Variants in NPIPB11 observed in about 807,000 individuals in gnomAD.
NPIPB11 encodes nuclear pore complex interacting protein family member B11, also known as nuclear pore complex-interacting protein family member B11.
A neutral mutation model predicts 32.8 loss-of-function variants in NPIPB11; 17 were observed. The observed-to-expected ratio is 0.52, with a 90% CI of 0.35 to 0.78. The LOEUF (loss-of-function observed/expected upper bound fraction) is 0.78, where lower values mean the gene tolerates loss of function less well. NPIPB11 is among the 30% of genes least tolerant of loss of function. The pLI, the probability that NPIPB11 is intolerant of heterozygous loss-of-function variation, is 0.01. For synonymous variants in NPIPB11, 209 were observed against 398.4 expected (o/e 0.52, Z 5.66); for missense variants, 537 against 1,000.4 (o/e 0.54, Z 6.25).
At chr16:29,395,822 C>T (rs1023146061) in intron 2 of NPIPB11, among the ~76,000 whole-genome samples, 1 of 149,702 alleles carries the variant, frequency 6.7e-6, no homozygotes, top group African/African-American at 2.4e-5. Context: ...ACTAAAAATA[C>T]AAAAAATTAG....
At chr16:29,394,721 C>T (rs1366045308) in intron 2 of NPIPB11, among the ~76,000 whole-genome samples, 13 of 150,276 alleles carry the variant, frequency 8.7e-5, no homozygotes, top group African/African-American at 1.2e-4. Context: ...TGTGAGCCAC[C>T]GTGCCCAGCC....
At chr16:29,390,463 G>T in intron 3 of NPIPB11, 115 bp from the exon 4 acceptor site, 1 of 1,522,110 alleles carries the variant, frequency 6.6e-7, no homozygotes. Context: ...GACCAGCCTG[G>T]CCAAGATGGT....
intron 5 of NPIPB11, 120 bp downstream of exon 5, chr16:29,389,821 A>G (rs1190008406): frequency 1.0e-5 from 16 of 1,546,706 alleles, no homozygotes; most frequent in South Asian, 2.3e-5. Context: ...GACAAACTCA[A>G]TTTTGAACCT....
chr16:29,406,313 G>GTA (rs1277079899), upstream of NPIPB11, among the ~76,000 whole-genome samples: 1 of 152,266 alleles, frequency 6.6e-6, no homozygotes, highest in African/African-American at 2.4e-5. Flanking sequence ...ATATTTATGG[G>GTA]TATGTTGTTG....
At chr16:29,394,777 A>C (rs1963812479) in intron 2 of NPIPB11, among the ~76,000 whole-genome samples, 1 of 149,612 alleles carries the variant, frequency 6.7e-6, no homozygotes, top group African/African-American at 2.5e-5. Flanking sequence ...ATGGGGTCTC[A>C]CTCTGTCACC....
intron 2 of NPIPB11, among the ~76,000 whole-genome samples, chr16:29,402,104 T>G (rs1373898029): frequency 6.6e-6 from 1 of 150,386 alleles, no homozygotes; most frequent in East Asian, 2.0e-4. Context: ...TCTCTGGGCC[T>G]CAGTTTCAAC....
intron 3 of NPIPB11, among the ~76,000 whole-genome samples, chr16:29,390,695 G>A (rs1963697264): frequency 6.6e-6 from 1 of 151,682 alleles, no homozygotes; most frequent in South Asian, 2.1e-4. Flanking sequence ...CTGGCACAGT[G>A]GCTCACTCCT....
At chr16:29,390,321 A>T in exon 4 of NPIPB11, 2 of 1,512,394 alleles carry the variant, frequency 1.3e-6, no homozygotes, top group Non-Finnish European at 1.8e-6. Context: ...CCATTTCGAG[A>T]CCAGAAGATA....
At chr16:29,401,250 A>T (rs1340587524) in intron 2 of NPIPB11, among the ~76,000 whole-genome samples, 1 of 152,116 alleles carries the variant, frequency 6.6e-6, no homozygotes, top group East Asian at 1.9e-4. Flanking sequence ...AACTTAAAGG[A>T]ACTAAAATGT....
chr16:29,391,688 C>T (rs145131733), intron 3 of NPIPB11, among the ~76,000 whole-genome samples: 7 of 152,230 alleles, frequency 4.6e-5, no homozygotes, highest in Middle Eastern at 3.4e-3. Flanking sequence ...TCTCAGATGT[C>T]GGTCAGATAC....
At chr16:29,402,477 G>A (rs1397593424) in intron 2 of NPIPB11, among the ~76,000 whole-genome samples, 2 of 102,742 alleles carry the variant, frequency 1.9e-5, no homozygotes, top group Non-Finnish European at 3.7e-5. Context: ...GGCCACGGTG[G>A]GCAGATTACG....
At chr16:29,406,335 C>A (rs1458797992), upstream of NPIPB11, among the ~76,000 whole-genome samples, 1 of 152,254 alleles carries the variant, frequency 6.6e-6, no homozygotes, top group East Asian at 1.9e-4. Context: ...TATACGTGTT[C>A]CAAAAATTGC....
chr16:29,399,957 A>T (rs257870), intron 2 of NPIPB11, among the ~76,000 whole-genome samples: 1 of 151,338 alleles, frequency 6.6e-6, no homozygotes, highest in South Asian at 2.1e-4. Context: ...CCCGCCTGTA[A>T]TCCCAGCTAC....
chr16:29,405,889 T>C (rs1472293553), upstream of NPIPB11, among the ~76,000 whole-genome samples: 8 of 152,270 alleles, frequency 5.3e-5, no homozygotes, highest in Admixed American at 5.2e-4. Flanking sequence ...ACACTCTTCC[T>C]GTGTCGATTC....
intron 2 of NPIPB11, among the ~76,000 whole-genome samples, chr16:29,397,126 T>G (rs1199301223): frequency 6.7e-6 from 1 of 149,034 alleles, no homozygotes; most frequent in East Asian, 2.0e-4. Context: ...AGCCGAGATC[T>G]TGCCACTGCA....
At chr16:29,394,428 T>C (rs62035601) in intron 2 of NPIPB11, among the ~76,000 whole-genome samples, 2 of 114,782 alleles carry the variant, frequency 1.7e-5, no homozygotes, top group Middle Eastern at 6.4e-3. Flanking sequence ...AAAAAAAACC[T>C]CTTTTTTTTT....
At chr16:29,390,520 G>C (rs1238947470) in intron 3 of NPIPB11, among the ~76,000 whole-genome samples, 172 bp from the exon 4 acceptor site, 1 of 151,692 alleles carries the variant, frequency 6.6e-6, no homozygotes. Flanking sequence ...GGGCATGGCA[G>C]CGGGCGCCTG....
chr16:29,390,641 G>A (rs1050638717), intron 3 of NPIPB11, among the ~76,000 whole-genome samples: 29 of 121,018 alleles, frequency 2.4e-4, no homozygotes, highest in African/African-American at 7.9e-4. Context: ...GACAGAATGA[G>A]ACTCTGTCAC....
chr16:29,393,667 C>T (rs900762178), intron 3 of NPIPB11, among the ~76,000 whole-genome samples: 27 of 151,508 alleles, frequency 1.8e-4, no homozygotes, highest in East Asian at 1.2e-3. Context: ...ATTTAAGTGA[C>T]GAAACCTCAT....
Sources: allele counts gnomAD v4.1 joint callset (sites outside exome capture counted in the v4.1 genomes callset), GRCh38; gene constraint gnomAD v4.1.1; transcripts MANE v1.5; gene names NCBI Gene and HGNC (gene_info 2026-07-23, HGNC 2026-07-21).